The following CTNND2 variants were observed in gnomAD, a reference collection of about 807,000 sequenced individuals.
CTNND2 encodes catenin delta-2.
CTNND2 carries 22 observed loss-of-function variants against 144.4 expected under a neutral mutation model. The ratio of observed to expected loss-of-function variants is 0.15; its 90% confidence interval spans 0.11 to 0.22. CTNND2 has a LOEUF of 0.22. Among genes scored for constraint, CTNND2 ranks in the 10% least tolerant of loss-of-function variants. CTNND2 has a pLI of 1.00. For missense variants in CTNND2, 1,353 were observed against 1,618.8 expected (o/e 0.84, Z 2.82); for synonymous variants, 751 against 695.6 (o/e 1.08, Z -1.25).
intron 1 of CTNND2, among the ~76,000 whole-genome samples, chr5:11,773,301 T>C (rs1790053312): frequency 6.6e-6 from 1 of 152,230 alleles, no homozygotes; most frequent in African/African-American, 2.4e-5. Flanking sequence ...GGTATTACTA[T>C]TAGGACTAAT....
chr5:11,033,683 A>T (rs1743744301), intron 16 of CTNND2, among the ~76,000 whole-genome samples: 1 of 152,136 alleles, frequency 6.6e-6, no homozygotes, highest in Admixed American at 6.5e-5. Flanking sequence ...AAAAAAAATT[A>T]GCTGGGTGCA....
rs76573326 is a variant in CTNND2 at position 11,827,801 on chromosome 5, T to G, written c.37+76016A>C. Among the ~76,000 whole-genome samples, 1,342 of 152,284 alleles carry G rather than the reference T, an allele frequency of 8.8e-3. 14 individuals are homozygous for G. The highest frequency in any genetic ancestry group is 0.03 in the African/African-American group (1,259 of 41,562). On this transcript the variant is annotated intron_variant, in intron 1 of 21. Coordinates refer to ENST00000304623, the MANE Select transcript of CTNND2 (RefSeq NM_001332.4). ...AAGATTTAATTCATAGGTAAAATCCTTCACCCAAAGAAAACACACAATTTG... is the reference window on the plus strand; with the variant it reads ...AAGATTTAATTCATAGGTAAAATCCGTCACCCAAAGAAAACACACAATTTG...
chr5:11,653,766 T>C (rs77036327), intron 2 of CTNND2, among the ~76,000 whole-genome samples: 1,856 of 151,924 alleles, frequency 0.012, 27 homozygotes, highest in African/African-American at 0.042. Context: ...TTTTTTTTTT[T>C]CCCTTTTGGT....
intron 12 of CTNND2, among the ~76,000 whole-genome samples, chr5:11,128,855 AATATATATAATAT>A (rs1755031369): frequency 1.4e-5 from 1 of 71,654 alleles, no homozygotes; most frequent in Non-Finnish European, 2.7e-5. Context: ...TAATATATAT[AATATATATAATAT>A]ATAAATATAT....
intron 3 of CTNND2, among the ~76,000 whole-genome samples, chr5:11,465,304 T>A (rs1179559510): frequency 6.8e-6 from 1 of 147,600 alleles, no homozygotes; most frequent in Non-Finnish European, 1.5e-5. Flanking sequence ...AAACTGAACT[T>A]TTTTTTTTTT....
chr5:11,622,103 TA>T (rs1055015618), intron 2 of CTNND2, among the ~76,000 whole-genome samples: 1 of 152,068 alleles, frequency 6.6e-6, no homozygotes, highest in Non-Finnish European at 1.5e-5. Context: ...CACTAAGAAA[TA>T]AGACAGAAGA....
chr5:11,178,195 T>G (rs1760659311), intron 11 of CTNND2, among the ~76,000 whole-genome samples: 1 of 152,180 alleles, frequency 6.6e-6, no homozygotes, highest in Admixed American at 6.5e-5. Flanking sequence ...GACTCACACA[T>G]TAAGCAAGTC....
chr5:11,765,034 G>GCGCGCCCCCCCC, intron 1 of CTNND2, among the ~76,000 whole-genome samples: 1 of 144,030 alleles, frequency 6.9e-6, no homozygotes, highest in African/African-American at 2.6e-5. Context: ...CATTAATCCT[G>GCGCGCCCCCCCC]CCCCCCCCAC....
intron 1 of CTNND2, among the ~76,000 whole-genome samples, chr5:11,884,497 C>T (rs536169333): frequency 1.3e-5 from 2 of 152,052 alleles, no homozygotes; most frequent in Admixed American, 6.6e-5. Flanking sequence ...AGATTTGTGG[C>T]GTTATTTCTG....
chr5:11,432,598 G>A (rs931936235), intron 3 of CTNND2, among the ~76,000 whole-genome samples: 2 of 152,186 alleles, frequency 1.3e-5, no homozygotes, highest in African/African-American at 4.8e-5. Context: ...AGCGGGAGGG[G>A]ATGAGGGTGA....
intron 3 of CTNND2, among the ~76,000 whole-genome samples, chr5:11,481,825 A>G (rs919879007): frequency 2.0e-5 from 3 of 152,208 alleles, no homozygotes; most frequent in African/African-American, 7.2e-5. Context: ...AAAAACAGAA[A>G]GAGTTAGAAA....
intron 21 of CTNND2, among the ~76,000 whole-genome samples, chr5:10,981,051 TA>T (rs975232037): frequency 5.9e-4 from 90 of 152,010 alleles, no homozygotes; most frequent in African/African-American, 2.1e-3. Flanking sequence ...ATAATAAAAA[TA>T]AAATAATAAT....
chr5:11,484,829 A>T (rs187286906), intron 3 of CTNND2, among the ~76,000 whole-genome samples: 173 of 152,324 alleles, frequency 1.1e-3, no homozygotes, highest in African/African-American at 3.9e-3. Flanking sequence ...AAAGAGCTCA[A>T]TTGTGCTGGA....
At chr5:11,119,956 C>T (rs11950056) in intron 12 of CTNND2, among the ~76,000 whole-genome samples, 23,623 of 152,116 alleles carry the variant, frequency 0.16, 2,987 homozygotes, top group East Asian at 0.45. Flanking sequence ...CCTAATTTCA[C>T]TGGTAATCAT....
chr5:11,017,326 T>C (rs975072036), intron 18 of CTNND2, among the ~76,000 whole-genome samples: 1 of 152,102 alleles, frequency 6.6e-6, no homozygotes, highest in African/African-American at 2.4e-5. Flanking sequence ...AGGTATGCGA[T>C]ATGAATTCCT....
intron 2 of CTNND2, among the ~76,000 whole-genome samples, chr5:11,711,967 T>C (rs1279424433): frequency 6.6e-6 from 1 of 152,188 alleles, no homozygotes; most frequent in Admixed American, 6.5e-5. Flanking sequence ...ACATTATTAT[T>C]AGTAGGAGTT....
At chr5:11,695,183 G>A (rs1251261125) in intron 2 of CTNND2, among the ~76,000 whole-genome samples, 1 of 152,168 alleles carries the variant, frequency 6.6e-6, no homozygotes, top group African/African-American at 2.4e-5. Context: ...GAAGAAGAGG[G>A]ATCACACAAA....
At chr5:11,473,212 T>C (rs139750957) in intron 3 of CTNND2, among the ~76,000 whole-genome samples, 1 of 152,260 alleles carries the variant, frequency 6.6e-6, no homozygotes, top group Non-Finnish European at 1.5e-5. Flanking sequence ...TTAAGGAGAA[T>C]GGATGACAAT....
At chr5:11,101,810 C>T (rs1172605312) in intron 14 of CTNND2, among the ~76,000 whole-genome samples, 2 of 151,824 alleles carry the variant, frequency 1.3e-5, no homozygotes, top group Non-Finnish European at 2.9e-5. Context: ...CACATGAAGA[C>T]AAAGTATTTC....
Sources: allele counts gnomAD v4.1 joint callset (sites outside exome capture counted in the v4.1 genomes callset), GRCh38; gene constraint gnomAD v4.1.1; transcripts MANE v1.5; gene names NCBI Gene and HGNC (gene_info 2026-07-23, HGNC 2026-07-21).